Variants in STK31 observed in about 807,000 individuals in gnomAD.
STK31 encodes the protein serine/threonine-protein kinase 31.
In STK31, 89 loss-of-function variants were observed where a neutral mutation model predicts 129.7. The observed-to-expected ratio is 0.69, with a 90% CI of 0.58 to 0.82. The LOEUF (loss-of-function observed/expected upper bound fraction) is 0.82, where lower values mean the gene tolerates loss of function less well. Among genes scored for constraint, STK31 ranks in the 40% least tolerant of loss-of-function variants. The pLI, the probability that STK31 is intolerant of heterozygous loss-of-function variation, is 0.00. For synonymous variants in STK31, 448 were observed against 395.3 expected, an observed-to-expected ratio of 1.13 and a Z score of -1.58; for missense variants, 1,187 against 1,176.4, an observed-to-expected ratio of 1.01 and a Z score of -0.13.
At chr7:23,786,474 T>C (rs1284821208) in intron 18 of STK31, 34 bp from the exon 19 acceptor site, 1 of 1,562,734 alleles carries the variant, frequency 6.4e-7, no homozygotes, top group Non-Finnish European at 8.6e-7. Flanking sequence ...GATTTTCATC[T>C]TGGAATTACG....
intron 17 of STK31, among the ~76,000 whole-genome samples, chr7:23,784,979 T>G (rs1012619445): frequency 6.6e-6 from 1 of 152,144 alleles, no homozygotes; most frequent in African/African-American, 2.4e-5. Flanking sequence ...TTATTTTTTG[T>G]TTTTTTACAA....
intron 6 of STK31, among the ~76,000 whole-genome samples, chr7:23,734,990 A>C (rs886604023): frequency 6.6e-5 from 10 of 152,182 alleles, no homozygotes; most frequent in African/African-American, 2.4e-4. Flanking sequence ...CAAAGTTTTG[A>C]ATATGTATTT....
chr7:23,714,301 T>A (rs74874168), intron 3 of STK31, among the ~76,000 whole-genome samples: 1 of 152,224 alleles, frequency 6.6e-6, no homozygotes, highest in Non-Finnish European at 1.5e-5. Flanking sequence ...GCCCATTGTC[T>A]CTGTATTAGT....
intron 10 of STK31, among the ~76,000 whole-genome samples, chr7:23,758,900 T>C (rs534871110): frequency 6.6e-6 from 1 of 152,260 alleles, no homozygotes; most frequent in East Asian, 1.9e-4. Flanking sequence ...GAGACCCATC[T>C]TCCGCACAAA....
At chr7:23,776,202 T>G (rs922825669) in intron 15 of STK31, among the ~76,000 whole-genome samples, 1 of 152,250 alleles carries the variant, frequency 6.6e-6, no homozygotes, top group African/African-American at 2.4e-5. Flanking sequence ...TGGATAAGCT[T>G]TTTGATGTGC....
intron 11 of STK31, among the ~76,000 whole-genome samples, chr7:23,768,322 A>ACACTCCATGATG (rs1374189417): frequency 6.6e-6 from 1 of 152,160 alleles, no homozygotes; most frequent in Non-Finnish European, 1.5e-5. Context: ...TTGCATCAGT[A>ACACTCCATGATG]CACTCCATGA....
chr7:23,769,382 T>TC (rs141419944), intron 12 of STK31, among the ~76,000 whole-genome samples: 14,932 of 152,166 alleles, frequency 0.098, 1,044 homozygotes, highest in African/African-American at 0.2. Context: ...GTCTTGTTCC[T>TC]CCTTTTTCTC....
intron 6 of STK31, 54 bp downstream of exon 6, chr7:23,729,303 A>G (rs1584341487): frequency 6.8e-7 from 1 of 1,477,220 alleles, no homozygotes; most frequent in East Asian, 2.4e-5. Flanking sequence ...TATGTGCTTG[A>G]AACAAAATGT....
intron 1 of STK31, 127 bp downstream of exon 1, chr7:23,710,462 C>T (rs1223501654): frequency 5.8e-6 from 9 of 1,555,806 alleles, no homozygotes; most frequent in Non-Finnish European, 7.0e-6. Flanking sequence ...ACCTTCTAGC[C>T]GCCCGCCACC....
At chr7:23,730,904 G>A (rs1471178135) in intron 6 of STK31, among the ~76,000 whole-genome samples, 1 of 80,602 alleles carries the variant, frequency 1.2e-5, no homozygotes, top group African/African-American at 4.1e-5. Context: ...TTTGGTTGGG[G>A]GTTGAAGTCT....
intron 23 of STK31, among the ~76,000 whole-genome samples, chr7:23,817,664 T>C (rs946393307): frequency 6.6e-5 from 10 of 152,226 alleles, no homozygotes; most frequent in Non-Finnish European, 4.4e-5. Flanking sequence ...TCAGAATCCC[T>C]CCAATAATAT....
intron 8 of STK31, among the ~76,000 whole-genome samples, chr7:23,743,854 G>T (rs1788195877): frequency 6.8e-6 from 1 of 147,280 alleles, no homozygotes; most frequent in South Asian, 2.2e-4. Flanking sequence ...TGATTGACTG[G>T]GTTAGTTCAA....
At chr7:23,817,096 G>C (rs1793512858) in intron 23 of STK31, among the ~76,000 whole-genome samples, 1 of 152,082 alleles carries the variant, frequency 6.6e-6, no homozygotes, top group Non-Finnish European at 1.5e-5. Flanking sequence ...TCTGAGGCAG[G>C]AGAATCACTT....
chr7:23,729,067 G>A (rs774854777), intron 5 of STK31, 24 bp from the exon 6 acceptor site: 30 of 1,573,894 alleles, frequency 1.9e-5, no homozygotes, highest in South Asian at 4.8e-5. Context: ...GTCAGTATTC[G>A]TATTTGTCTC....
chr7:23,787,039 T>A, intron 20 of STK31, 115 bp downstream of exon 20: 1 of 959,254 alleles, frequency 1.0e-6, no homozygotes, highest in South Asian at 1.5e-5. Flanking sequence ...CTCATGGTAT[T>A]CTATTTGTCA....
At position 23,752,777 on chromosome 7, in the gene STK31, A is replaced by G. The variant is rs1185475892; in HGVS notation, c.1078A>G (p.Ile360Val). Residue 360 changes from isoleucine to valine, a missense_variant, in exon 9 of 24, where the codon ATA becomes GTA. Transcript: ENST00000355870. ...NHLEYTLKTY[I>V]DTRMKNLAAK... ...CTTAGAATACACTCTGAAGACCTATATAGATACCAGAATGAAAAATCTGGC... is the reference window on the plus strand; with the variant it reads ...CTTAGAATACACTCTGAAGACCTATGTAGATACCAGAATGAAAAATCTGGC... 10 of 1,613,694 alleles carry G rather than the reference A, an allele frequency of 6.2e-6. No individual in the cohort carries two copies. Among genetic ancestry groups the G allele is most frequent in the East Asian group, 2.2e-5 (1 of 44,878 alleles).
chr7:23,794,866 A>G (rs1791856927), intron 22 of STK31, among the ~76,000 whole-genome samples: 2 of 152,210 alleles, frequency 1.3e-5, no homozygotes, highest in South Asian at 2.1e-4. Flanking sequence ...AGTGTTCAAG[A>G]GGTGACTTGG....
intron 23 of STK31, among the ~76,000 whole-genome samples, chr7:23,821,358 C>G (rs552184033): frequency 2.0e-5 from 3 of 152,184 alleles, no homozygotes; most frequent in East Asian, 3.9e-4. Flanking sequence ...TAGTGGCATT[C>G]TAGCTGATGT....
chr7:23,733,505 C>T (rs1208482328), intron 6 of STK31, among the ~76,000 whole-genome samples: 1 of 151,506 alleles, frequency 6.6e-6, no homozygotes, highest in Non-Finnish European at 1.5e-5. Context: ...TATCCTCAAC[C>T]TGTTGTTAAA....
Sources: allele counts gnomAD v4.1 joint callset (sites outside exome capture counted in the v4.1 genomes callset), GRCh38; gene constraint gnomAD v4.1.1; transcripts MANE v1.5; gene names NCBI Gene and HGNC (gene_info 2026-07-23, HGNC 2026-07-21).